The following AP4B1 variants were observed in gnomAD, a reference collection of about 807,000 sequenced individuals.
The protein encoded by AP4B1 is adaptor related protein complex 4 subunit beta 1.
AP4B1 carries 49 observed loss-of-function variants against 76.5 expected under a neutral mutation model. The observed-to-expected ratio is 0.64, with a 90% confidence interval of 0.51 to 0.81. The LOEUF (loss-of-function observed/expected upper bound fraction) is 0.81. AP4B1 is among the 40% of genes least tolerant of loss of function. The pLI, the probability that AP4B1 is intolerant of heterozygous loss-of-function variation, is 0.00. For synonymous variants in AP4B1, 330 were observed against 333.3 expected (o/e 0.99, Z 0.11); for missense variants, 911 against 904.9 (o/e 1.01, Z -0.09).
rs779478168 is a variant in AP4B1, at chr1:113,900,315, C to G, written c.703G>C (p.Asp235His). Residue 235 changes from aspartate (D) to histidine (H), a missense_variant, in exon 5 of 10, where the codon GAC (aspartate) becomes CAC (histidine). Coordinates refer to ENST00000369569, the MANE Select transcript of AP4B1 (RefSeq NM_001253852.3). ...AAACTATCCAACAGATTGAGAATGT[C>G]AAATAGTTCTTCCTCACTGCGGGGT... The part of the protein sequence containing the change: ...YQPRSEEELF[D>H]ILNLLDSFLK... The G allele has an allele frequency of 1.2e-6, 2 of 1,606,552 alleles. No individual in the cohort carries two copies. The highest frequency in any genetic ancestry group is 1.7e-6 in the Non-Finnish European group (2 of 1,176,380).
At chr1:113,896,074 A>C in intron 8 of AP4B1, 36 bp from the exon 9 acceptor site, 1 of 1,614,062 alleles carries the variant, frequency 6.2e-7, no homozygotes, top group Non-Finnish European at 8.5e-7. Flanking sequence ...CATTAAAAAC[A>C]AAACCACTTT....
chr1:113,899,337 G>T, intron 5 of AP4B1: 1 of 1,011,352 alleles, frequency 9.9e-7, no homozygotes. Context: ...TTCCAGACAG[G>T]GTACTATGAA....
chr1:113,898,637 A>T (rs1036844858), intron 6 of AP4B1, 81 bp downstream of exon 6: 14 of 1,058,206 alleles, frequency 1.3e-5, no homozygotes, highest in Non-Finnish European at 2.0e-5. Flanking sequence ...TTACTCATTC[A>T]ACAACAAACA....
chr1:113,901,451 T>C, intron 3 of AP4B1, 68 bp from the exon 4 acceptor site: 2 of 1,544,466 alleles, frequency 1.3e-6, no homozygotes, highest in Non-Finnish European at 1.8e-6. Context: ...GTAGCCAGAG[T>C]AATAGCTCCA....
At chr1:113,898,988 C>A (rs906362170) in intron 5 of AP4B1, 187 bp from the exon 6 acceptor site, 23 of 998,882 alleles carry the variant, frequency 2.3e-5, no homozygotes, top group Middle Eastern at 3.2e-4. Context: ...TGGTAAAAAT[C>A]ATTTTTTCTC....
In AP4B1 at chr1:113,895,494, T is replaced by C; in HGVS notation, c.1793-2A>G. The stretch of plus-strand genomic sequence containing the variant: ...TGTTCTCTTCAGGAATCAAGGGTCC[T>C]AAAAGAGACAGAAAACTTGTGTGAA... On this transcript the variant is annotated splice_acceptor_variant, in intron 9 of 9. Coordinates refer to ENST00000369569, the MANE Select transcript of AP4B1 (RefSeq NM_001253852.3). LOFTEE classifies it high-confidence loss of function. 2 of 1,614,148 alleles carry C rather than the reference T, an allele frequency of 1.2e-6. No individual in the cohort carries two copies. Among genetic ancestry groups the C allele is most frequent in the Non-Finnish European group, 1.7e-6 (2 of 1,180,010 alleles).
chr1:113,898,314 G>A (rs1351993831), intron 6 of AP4B1, among the ~76,000 whole-genome samples: 1 of 152,180 alleles, frequency 6.6e-6, no homozygotes, highest in African/African-American at 2.4e-5. Flanking sequence ...CAAAATTGAA[G>A]AAGACATGCA....
chr1:113,902,804 C>G lies in AP4B1; in HGVS notation c.172G>C (p.Ala58Pro), dbSNP rs754770476. The G allele has an allele frequency of 6.2e-6, 10 of 1,614,232 alleles. No homozygotes were observed. The Admixed American group carries it at 1.7e-4, about 27-fold the overall frequency. The change falls in exon 2 of 10, where the codon GCC becomes CCC. Residue 58 changes from alanine (A) to proline (P), a missense_variant. Coordinates refer to ENST00000369569, the MANE Select transcript of AP4B1 (RefSeq NM_001253852.3). Reference protein sequence around the residue: ...GVFMEMVKASATVDIVQKKLV... With the variant: ...GVFMEMVKASPTVDIVQKKLV... ...TTCTTCTGGACAATATCTACAGTGG[C>G]ACTGGCCTTCACCATTTCCATAAAA...
Position 113,902,817 on chromosome 1 carries a change from C to G in AP4B1, c.159G>C (p.Met53Ile). 1 of 1,614,188 alleles carries G rather than the reference C, an allele frequency of 6.2e-7. No individual in the cohort carries two copies. Among genetic ancestry groups the G allele is most frequent in the Non-Finnish European group, 8.5e-7 (1 of 1,180,032 alleles). Reference sequence around the variant, plus strand: ...TATCTACAGTGGCACTGGCCTTCACCATTTCCATAAAAACACCAGACATGT... The same window carrying G: ...TATCTACAGTGGCACTGGCCTTCACGATTTCCATAAAAACACCAGACATGT... ...GLDMSGVFMEMVKASATVDIV... is the reference protein window; with the variant it reads ...GLDMSGVFMEIVKASATVDIV... The change falls in exon 2 of 10, where the codon ATG becomes ATC. Residue 53 changes from methionine to isoleucine, a missense_variant. Coordinates refer to ENST00000369569, the MANE Select transcript of AP4B1 (RefSeq NM_001253852.3).
chr1:113,900,010 C>G lies in AP4B1; in HGVS notation c.1008G>C (p.Leu336=). ...HYIKLQKVEV[L]CELVNDENVQ... is the part of the protein sequence containing the mutation. ...CATTCTCATCGTTCACCAGTTCACA[C>G]AGCACCTCCACTTTCTGTAGTTTGA... is the stretch of plus-strand genomic sequence containing the variant. Residue 336 remains leucine, a synonymous_variant, in exon 5 of 10, where the codon CTG becomes CTC. Coordinates refer to ENST00000369569, the MANE Select transcript of AP4B1 (RefSeq NM_001253852.3). 6.2e-7 allele frequency: 1 copy of G among 1,614,216 alleles called. No individual in the cohort carries two copies.
chr1:113,898,355 G>A (rs1288681853), intron 6 of AP4B1, among the ~76,000 whole-genome samples: 3 of 152,134 alleles, frequency 2.0e-5, no homozygotes, highest in Non-Finnish European at 4.4e-5. Context: ...CTAAGAGTGA[G>A]TGCCTTCTTA....
chr1:113,904,532 G>A (rs1442356063), intron 1 of AP4B1, 73 bp downstream of exon 1: 2 of 1,401,092 alleles, frequency 1.4e-6, no homozygotes, highest in Non-Finnish European at 2.0e-6. Flanking sequence ...CCCTTTCAGA[G>A]AGACTGGGGC....
chr1:113,898,717 C>T lies in AP4B1; in HGVS notation c.1198+1G>A. The stretch of plus-strand genomic sequence containing the variant: ...AAAAATCCTAAAAAGGCAGGCATTA[C>T]CTGTGGTAATGTGCTCTTGTCGAAG... On this transcript the variant is annotated splice_donor_variant, in intron 6 of 9. Transcript: ENST00000369569. LOFTEE classifies it high-confidence loss of function. The T allele has an allele frequency of 6.2e-7, 1 of 1,607,920 alleles. No homozygotes were observed. Among genetic ancestry groups the T allele is most frequent in the East Asian group, 2.2e-5 (1 of 44,864 alleles).
At chr1:113,901,912 A>G in intron 2 of AP4B1, 27 bp from the exon 3 acceptor site, 1 of 1,614,018 alleles carries the variant, frequency 6.2e-7, no homozygotes, top group Non-Finnish European at 8.5e-7. Context: ...GGAGTTAGCC[A>G]GATTCTGAAA....
At position 113,894,818 on chromosome 1, in the gene AP4B1, A is replaced by T. The variant is rs2100988558; in HGVS notation, c.*247T>A. 6.3e-6 allele frequency: 3 copies of T among 477,852 alleles called. 1 individual carries two copies. In the South Asian group the frequency reaches 6.8e-5, roughly 11 times the overall value. The allele number at this position is 477,852 out of a possible 1,614,324, so 29.6% of individuals were successfully genotyped here. ...TTGATTAGGAAATAATCCAAATCCC[A>T]TCCTCAACGCATCTCCTTACCAACA... On this transcript the variant is annotated 3_prime_UTR_variant, in exon 10 of 10. Transcript: ENST00000369569.
Position 113,895,764 on chromosome 1 carries a change from G to C in AP4B1, c.1785C>G (p.Ala595=). 1 of 1,614,090 alleles carries C rather than the reference G, an allele frequency of 6.2e-7. No homozygotes were observed. The highest frequency in any genetic ancestry group is 8.5e-7 in the Non-Finnish European group (1 of 1,180,030). The part of the protein sequence containing the change: ...DPELPKTSSF[A]ASGPLIPEEN... ...GGTAAGGACTGTTTTTACCTGATGC[G>C]GCAAAGGATGAAGTTTTAGGAAGCT... The change falls in exon 9 of 10, where the codon GCC becomes GCG. Residue 595 remains alanine, a synonymous_variant. Coordinates refer to ENST00000369569, the MANE Select transcript of AP4B1 (RefSeq NM_001253852.3).
Position 113,901,240 on chromosome 1 carries a change from T to G in AP4B1, c.613A>C (p.Asn205His), listed in dbSNP as rs1668219858. The G allele has an allele frequency of 1.9e-6, 3 of 1,614,066 alleles. No homozygotes were observed. Among genetic ancestry groups the G allele is most frequent in the Non-Finnish European group, 2.5e-6 (3 of 1,180,046 alleles). ...INKPIAHHLL[N>H]RMSKLDQWGQ... ...AGAGTGCTGAGGCATCCAAACCGAT[T>G]TAAGAGATGGTGAGCAATGGGCTTA... The change falls in exon 4 of 10, where the codon AAT (asparagine) becomes CAT (histidine). Residue 205 changes from asparagine to histidine, a missense_variant. Coordinates refer to ENST00000369569, the MANE Select transcript of AP4B1 (RefSeq NM_001253852.3).
chr1:113,898,738 C>T lies in AP4B1; in HGVS notation c.1178G>A (p.Arg393Gln), dbSNP rs753638648. The change falls in exon 6 of 10, where the codon CGA becomes CAA. Residue 393 changes from arginine (R) to glutamine (Q), a missense_variant. Arg to Gln is a conservative substitution (Grantham distance 43). Transcript: ENST00000369569. ...VQILTELLGLRQEHITTVVVQ... is the reference protein window; with the variant it reads ...VQILTELLGLQQEHITTVVVQ... Reference sequence around the variant, plus strand: ...ATTACCTGTGGTAATGTGCTCTTGTCGAAGACCCAGCAACTCTGTTAAAAT... The same window carrying T: ...ATTACCTGTGGTAATGTGCTCTTGTTGAAGACCCAGCAACTCTGTTAAAAT... The T allele has an allele frequency of 5.0e-5, 80 of 1,609,534 alleles. No homozygotes were observed. The highest frequency in any genetic ancestry group is 3.3e-4 in the Admixed American group (20 of 59,990).
chr1:113,902,498 G>T, intron 2 of AP4B1, 140 bp downstream of exon 2: 1 of 845,874 alleles, frequency 1.2e-6, no homozygotes, highest in Non-Finnish European at 1.9e-6. Flanking sequence ...CAAAGCAGTG[G>T]CTGAAAATCT....
Sources: gnomAD v4.1 joint callset for allele counts (sites outside exome capture counted in the v4.1 genomes callset) on GRCh38, gnomAD v4.1.1 for gene constraint, MANE v1.5 for transcripts, NCBI Gene and HGNC (gene_info 2026-07-23, HGNC 2026-07-21) for gene names.